SLC44A5: variants seen among roughly 807,000 people sequenced by gnomAD.
SLC44A5 encodes the protein solute carrier family 44 member 5, also known as choline transporter-like protein 5.
Under a neutral mutation model 101.8 loss-of-function variants are expected in SLC44A5, and 57 were observed. The observed-to-expected ratio is 0.56, with a 90% CI of 0.45 to 0.70. The LOEUF (loss-of-function observed/expected upper bound fraction) is 0.70, where lower values mean the gene tolerates loss of function less well. Among genes scored for constraint, SLC44A5 ranks in the 30% least tolerant of loss-of-function variants. The pLI is 0.00. For missense variants in SLC44A5, 737 were observed against 853.1 expected, an observed-to-expected ratio of 0.86 and a Z score of 1.70; for synonymous variants, 281 against 290.9, an observed-to-expected ratio of 0.97 and a Z score of 0.35.
chr1:75,610,136 TACACAC>T (rs144198306), intron 1 of SLC44A5, among the ~76,000 whole-genome samples: 5,528 of 144,272 alleles, frequency 0.038, 211 homozygotes, highest in African/African-American at 0.1. Flanking sequence ...AGTCAAGAAA[TACACAC>T]ACACACACAC....
chr1:75,530,654 T>C (rs1022631264), intron 2 of SLC44A5, among the ~76,000 whole-genome samples: 1 of 152,208 alleles, frequency 6.6e-6, no homozygotes, highest in Non-Finnish European at 1.5e-5. Context: ...GTTTACCCAC[T>C]AATTGCTCTC....
chr1:75,571,744 T>TA (rs1426797806), intron 1 of SLC44A5, among the ~76,000 whole-genome samples: 2 of 152,186 alleles, frequency 1.3e-5, no homozygotes, highest in Non-Finnish European at 2.9e-5. Context: ...CTTTTTGACT[T>TA]ACGACATTTT....
At chr1:75,649,949 G>T in the SLC44A5 span, among the ~76,000 whole-genome samples, 1 of 152,234 alleles carries the variant, frequency 6.6e-6, no homozygotes, top group African/African-American at 2.4e-5. Flanking sequence ...TTGATACTGG[G>T]TAATATCTCT....
At chr1:75,461,770 T>C (rs778547689) in intron 2 of SLC44A5, among the ~76,000 whole-genome samples, 2 of 152,050 alleles carry the variant, frequency 1.3e-5, no homozygotes, top group Non-Finnish European at 1.5e-5. Context: ...AGGGGGAACA[T>C]TGGTAGTAAT....
intron 2 of SLC44A5, among the ~76,000 whole-genome samples, chr1:75,416,710 T>C (rs1557763410): frequency 1.3e-5 from 2 of 152,210 alleles, no homozygotes; most frequent in South Asian, 4.1e-4. Context: ...CCTAAGACCA[T>C]GGGAACCCAC....
chr1:75,429,843 A>T (rs956751206), intron 2 of SLC44A5, among the ~76,000 whole-genome samples: 28 of 152,318 alleles, frequency 1.8e-4, no homozygotes, highest in Middle Eastern at 3.4e-3. Flanking sequence ...GCCTCCCATC[A>T]GGCCCCACCA....
At chr1:75,293,770 C>G (rs981018759) in intron 5 of SLC44A5, among the ~76,000 whole-genome samples, 2 of 152,170 alleles carry the variant, frequency 1.3e-5, no homozygotes, top group Non-Finnish European at 2.9e-5. Context: ...ATCAATCCCT[C>G]TCATGATAAC....
chr1:75,439,379 A>C (rs1378773086), intron 2 of SLC44A5, among the ~76,000 whole-genome samples: 2 of 152,130 alleles, frequency 1.3e-5, no homozygotes, highest in African/African-American at 4.8e-5. Flanking sequence ...TTTGAAAAGT[A>C]ACTAACAAAA....
chr1:75,614,935 G>A (rs755913843), upstream of SLC44A5, among the ~76,000 whole-genome samples: 42 of 152,038 alleles, frequency 2.8e-4, no homozygotes, highest in Admixed American at 1.1e-3. Context: ...GACAAGCTGC[G>A]ACCTCTGCGA....
At chr1:75,263,341 A>T (rs865789416) in intron 6 of SLC44A5, among the ~76,000 whole-genome samples, 4 of 152,350 alleles carry the variant, frequency 2.6e-5, no homozygotes, top group Non-Finnish European at 5.9e-5. Context: ...GACACTTCTT[A>T]GAAGAAGACA....
the SLC44A5 span, among the ~76,000 whole-genome samples, chr1:75,655,785 C>T: frequency 3.3e-5 from 5 of 152,016 alleles, no homozygotes; most frequent in African/African-American, 1.2e-4. Context: ...TCCATACATC[C>T]CTTTGGGCCA....
At chr1:75,461,701 G>A (rs1021089105) in intron 2 of SLC44A5, among the ~76,000 whole-genome samples, 1 of 152,168 alleles carries the variant, frequency 6.6e-6, no homozygotes, top group Admixed American at 6.5e-5. Flanking sequence ...CTACCCTAAA[G>A]AGTGAGTCCA....
At chr1:75,658,768 A>C in the SLC44A5 span, among the ~76,000 whole-genome samples, 1 of 152,112 alleles carries the variant, frequency 6.6e-6, no homozygotes, top group Non-Finnish European at 1.5e-5. Context: ...GAAAAGAAAT[A>C]ATAAATGACA....
chr1:75,316,173 C>T (rs957130201), intron 4 of SLC44A5, among the ~76,000 whole-genome samples: 2 of 152,192 alleles, frequency 1.3e-5, no homozygotes, highest in Admixed American at 1.3e-4. Flanking sequence ...CTCAAAATTA[C>T]TTTTTATCTT....
the SLC44A5 span, among the ~76,000 whole-genome samples, chr1:75,701,266 T>G: frequency 6.6e-6 from 1 of 152,190 alleles, no homozygotes; most frequent in South Asian, 2.1e-4. Flanking sequence ...AATAAAATAC[T>G]GGCAAACCAA....
At chr1:75,216,408 A>G (rs1417230993) in intron 18 of SLC44A5, among the ~76,000 whole-genome samples, 1 of 151,906 alleles carries the variant, frequency 6.6e-6, no homozygotes, top group Non-Finnish European at 1.5e-5. Flanking sequence ...ATGAACAGTG[A>G]TGTGCAAGTA....
chr1:75,238,929 A>C (rs148478674), intron 9 of SLC44A5, among the ~76,000 whole-genome samples: 2 of 152,254 alleles, frequency 1.3e-5, no homozygotes, highest in African/African-American at 4.8e-5. Context: ...TAAAAGAGTA[A>C]CAATGATACA....
intron 3 of SLC44A5, among the ~76,000 whole-genome samples, chr1:75,353,369 A>G (rs1006648490): frequency 2.6e-5 from 4 of 152,134 alleles, no homozygotes; most frequent in African/African-American, 9.7e-5. Context: ...TTTTTTGACT[A>G]TCTATTAGTC....
chr1:75,251,210 C>G lies in SLC44A5; in HGVS notation c.345G>C (p.Gln115His), dbSNP rs1427328019. Residue 115 changes from glutamine (Q) to histidine (H), a missense_variant and splice_region_variant, in exon 7 of 24, where the codon CAG (glutamine) becomes CAC (histidine). By Grantham distance (24) the Gln-to-His change is conservative. Coordinates refer to ENST00000370859, the MANE Select transcript of SLC44A5 (RefSeq NM_001130058.2). ...VLLNLQCPTT[Q>H]ICVSKCPEKF... ...ACCAGTGAGGCACCTTTTGCCTTAC[C>G]TGTGTGGTAGGGCACTGTAGGTTTA... The G allele has an allele frequency of 3.1e-6, 5 of 1,611,208 alleles. No individual in the cohort carries two copies. Among genetic ancestry groups the G allele is most frequent in the Non-Finnish European group, 4.2e-6 (5 of 1,177,692 alleles).
Sources: gnomAD v4.1 joint callset for allele counts (sites outside exome capture counted in the v4.1 genomes callset) on GRCh38, gnomAD v4.1.1 for gene constraint, MANE v1.5 for transcripts, NCBI Gene and HGNC (gene_info 2026-07-23, HGNC 2026-07-21) for gene names.